TMEM114: variants seen among roughly 807,000 people sequenced by gnomAD.
The protein encoded by TMEM114 is transmembrane protein 114, also known as claudin-26.
A neutral mutation model predicts 6.2 loss-of-function variants in TMEM114; 6 were observed. That is an observed-to-expected ratio of 0.97 (90% CI 0.53 to 1.91). The LOEUF (loss-of-function observed/expected upper bound fraction) is 1.91, where lower values mean the gene tolerates loss of function less well. Ranked by LOEUF, TMEM114 falls within the 40% of genes most tolerant of loss-of-function variation. The probability of loss-of-function intolerance (pLI) is 0.01; values close to 1 mark genes in which losing one functional copy is unlikely to be tolerated. For missense variants in TMEM114, 218 were observed against 158.3 expected (o/e 1.38, Z -2.02); for synonymous variants, 104 against 73.0 (o/e 1.42, Z -2.16).
At chr16:8,540,148 A>T (rs778431242) in intron 2 of TMEM114, among the ~76,000 whole-genome samples, 9 of 152,170 alleles carry the variant, frequency 5.9e-5, no homozygotes, top group Non-Finnish European at 1.2e-4. Context: ...TAATAATAAG[A>T]ATGTATTTAT....
chr16:8,587,090 C>G (rs1401671701), intron 2 of TMEM114, among the ~76,000 whole-genome samples: 1 of 152,142 alleles, frequency 6.6e-6, no homozygotes, highest in Non-Finnish European at 1.5e-5. Flanking sequence ...ATTTGCACCA[C>G]AGAAATAGGC....
Position 8,537,997 on chromosome 16 carries a change from T to C in TMEM114, n.213-171A>G, listed in dbSNP as rs558684545. Among the ~76,000 whole-genome samples the C allele has an allele frequency of 2.5e-3, 378 of 152,008 alleles. 2 individuals are homozygous for C. The highest frequency in any genetic ancestry group is 0.017 in the Middle Eastern group (5 of 294). On this transcript the variant is annotated intron_variant and non_coding_transcript_variant, in intron 2 of 2. Coordinates refer to the TMEM114 transcript ENST00000623677. ...TGGCAGGGGTGGGTGGGGGGCAATA[T>C]TTAAACATTTTTGCCCTGAGACTGG...
chr16:8,538,040 T>C (rs1596464089), intron 2 of TMEM114, among the ~76,000 whole-genome samples: 1 of 143,460 alleles, frequency 7.0e-6, no homozygotes, highest in Admixed American at 7.6e-5. Context: ...GACTTACACC[T>C]GTAATCCTGG....
intron 2 of TMEM114, among the ~76,000 whole-genome samples, chr16:8,580,026 A>C (rs546059073): frequency 6.6e-6 from 1 of 152,228 alleles, no homozygotes; most frequent in Non-Finnish European, 1.5e-5. Flanking sequence ...AAATGCCAAC[A>C]TCCAGAAGTA....
chr16:8,528,004 C>G, the TMEM114 span, among the ~76,000 whole-genome samples: 10 of 152,216 alleles, frequency 6.6e-5, no homozygotes, highest in East Asian at 1.9e-3. Context: ...GCCTCCCAGG[C>G]TCAACTTTAT....
chr16:8,563,397 GTAAA>G (rs1901360182), intron 2 of TMEM114, among the ~76,000 whole-genome samples: 2 of 148,026 alleles, frequency 1.4e-5, no homozygotes, highest in Admixed American at 6.7e-5. Context: ...GAGTGAATGA[GTAAA>G]CGAGTGAGTT....
downstream of TMEM114, among the ~76,000 whole-genome samples, chr16:8,534,828 G>T (rs1900310789): frequency 6.6e-6 from 1 of 152,206 alleles, no homozygotes; most frequent in Admixed American, 6.5e-5. Context: ...GGGCCTTTGG[G>T]CAAATCTGCT....
intron 2 of TMEM114, among the ~76,000 whole-genome samples, chr16:8,542,475 G>A (rs990910508): frequency 1.3e-5 from 2 of 152,098 alleles, no homozygotes; most frequent in Admixed American, 1.3e-4. Context: ...TTTCATATCT[G>A]ATTTCAGGTT....
At chr16:8,574,320 C>A (rs544371933) in intron 2 of TMEM114, among the ~76,000 whole-genome samples, 1 of 152,292 alleles carries the variant, frequency 6.6e-6, no homozygotes, top group African/African-American at 2.4e-5. Flanking sequence ...GTAAGATGTG[C>A]AGTGTTGCGT....
the TMEM114 span, chr16:8,531,991 A>G: frequency 6.6e-6 from 1 of 152,208 alleles, no homozygotes; most frequent in South Asian, 2.1e-4. Flanking sequence ...GTTTCCTAGT[A>G]TAAGTGAGGC....
chr16:8,563,132 A>C (rs1901338332), intron 2 of TMEM114, among the ~76,000 whole-genome samples: 1 of 148,154 alleles, frequency 6.7e-6, no homozygotes, highest in African/African-American at 2.5e-5. Flanking sequence ...TGAGTGTGTG[A>C]ATGAGTAAAT....
At chr16:8,535,398 C>G (rs1900326285), downstream of TMEM114, among the ~76,000 whole-genome samples, 1 of 151,744 alleles carries the variant, frequency 6.6e-6, no homozygotes, top group Admixed American at 6.6e-5. Context: ...GGGTACAGAG[C>G]TTCATCGGGA....
At chr16:8,550,113 G>A (rs970244184) in intron 2 of TMEM114, among the ~76,000 whole-genome samples, 5 of 152,182 alleles carry the variant, frequency 3.3e-5, no homozygotes, top group African/African-American at 9.7e-5. Flanking sequence ...AAAGATGAAG[G>A]CCAGAAGACT....
rs1044951121 is a variant in TMEM114, at chr16:8,561,345, C to G, written n.213-23519G>C. On this transcript the variant is annotated intron_variant and non_coding_transcript_variant, in intron 2 of 2. Coordinates refer to the TMEM114 transcript ENST00000623677. Reference sequence around the variant, plus strand: ...ACAGGACATTATTTTCATCGTACAACACACTCTTCCCTGCCACCTTCTCCC... The same window carrying G: ...ACAGGACATTATTTTCATCGTACAAGACACTCTTCCCTGCCACCTTCTCCC... 3.3e-5 allele frequency among the ~76,000 whole-genome samples: 5 copies of G among 152,216 alleles called. No homozygotes were observed. The South Asian group carries it at 8.3e-4, about 25-fold the overall frequency.
In TMEM114 at chr16:8,576,737, AGG is replaced by A. The variant is rs879863575; in HGVS notation, c.302-4515_302-4514del. Among the ~76,000 whole-genome samples the A allele has an allele frequency of 3.6e-3, 554 of 151,900 alleles. 3 individuals carry two copies. The highest frequency in any genetic ancestry group is 6.3e-3 in the Non-Finnish European group (428 of 67,868). On this transcript the variant is annotated intron_variant, in intron 2 of 3. Coordinates refer to ENST00000620492, the MANE Select transcript of TMEM114 (RefSeq NM_001146336.2). ...AAGGAAGGAAGGAAGGAAGGAAGGA[AGG>A]AAGGAAGGAAGGAAGGAAGGAAGGA...
chr16:8,563,525 A>ATGAGTAAGTGAATGAG (rs796525306), intron 2 of TMEM114, among the ~76,000 whole-genome samples: 1 of 149,316 alleles, frequency 6.7e-6, no homozygotes, highest in East Asian at 2.0e-4. Flanking sequence ...GAGTGAGTGA[A>ATGAGTAAGTGAATGAG]TGAGTAAGTG....
chr16:8,562,957 TGAATGAGTGAGAGAGTGATG>T (rs1353622213), intron 2 of TMEM114, among the ~76,000 whole-genome samples: 2 of 76,328 alleles, frequency 2.6e-5, no homozygotes, highest in Non-Finnish European at 6.0e-5. Flanking sequence ...AATGAGTGAG[TGAATGAGTGAGAGAGTGATG>T]GAGGGAAGGA....
chr16:8,565,129 G>A (rs1452290255), downstream of TMEM114, among the ~76,000 whole-genome samples: 2 of 150,872 alleles, frequency 1.3e-5, no homozygotes, highest in Non-Finnish European at 3.0e-5. Flanking sequence ...GAGTGGGTAA[G>A]CAAATGGATG....
At chr16:8,565,769 G>A (rs561633321), downstream of TMEM114, among the ~76,000 whole-genome samples, 5 of 152,252 alleles carry the variant, frequency 3.3e-5, no homozygotes, top group East Asian at 7.7e-4. Flanking sequence ...AGAATCACCT[G>A]GGGAACTTTG....
Sources: allele counts gnomAD v4.1 joint callset (sites outside exome capture counted in the v4.1 genomes callset), GRCh38; gene constraint gnomAD v4.1.1; transcripts MANE v1.5; gene names NCBI Gene and HGNC (gene_info 2026-07-23, HGNC 2026-07-21).